Variants in KCNK5 observed in about 807,000 individuals in gnomAD.
The protein encoded by KCNK5 is potassium two pore domain channel subfamily K member 5, also known as potassium channel subfamily K member 5.
Under a neutral mutation model 32.9 loss-of-function variants are expected in KCNK5, and 18 were observed. The ratio of observed to expected loss-of-function variants is 0.55; its 90% CI spans 0.38 to 0.81. The LOEUF is 0.81. Among genes scored for constraint, KCNK5 ranks in the 30% least tolerant of loss-of-function variants. The pLI is 0.00. For missense variants in KCNK5, 507 were observed against 651.0 expected (o/e 0.78, Z 2.41); for synonymous variants, 276 against 275.3 (o/e 1.00, Z -0.03).
rs182170980 is a variant in KCNK5 at position 39,194,834 on chromosome 6, C to G, written c.299-74G>C. On this transcript the variant is annotated intron_variant, in intron 2 of 4. Coordinates refer to ENST00000359534, the MANE Select transcript of KCNK5 (RefSeq NM_003740.4). The surrounding 1 kb of genome is among the most constrained non-coding windows in gnomAD (Gnocchi z 4.7). ...GTGGGCCTTGCTTCCAACACACACA[C>G]AGCCCGTTCTCTAAGATAAATTGAT... 8.0e-7 allele frequency: 1 copy of G among 1,249,486 alleles called. No individual in the cohort carries two copies. Among genetic ancestry groups the G allele is most frequent in the Admixed American group, 1.8e-5 (1 of 55,130 alleles). The allele number at this position is 1,249,486 out of a possible 1,614,324, so 77.4% of individuals were successfully genotyped here.
At chr6:39,208,776 A>G (rs1771275925) in intron 1 of KCNK5, among the ~76,000 whole-genome samples, 1 of 152,198 alleles carries the variant, frequency 6.6e-6, no homozygotes, top group African/African-American at 2.4e-5. Context: ...ATGCCCAACA[A>G]CCTCAAAATC....
At chr6:39,202,888 C>G (rs905931011) in intron 1 of KCNK5, among the ~76,000 whole-genome samples, 1 of 152,136 alleles carries the variant, frequency 6.6e-6, no homozygotes, top group Non-Finnish European at 1.5e-5. Context: ...TGGCAGCAAG[C>G]CTCTGGGTAA....
Position 39,229,367 on chromosome 6 carries a change from C to T in KCNK5, c.-256G>A, listed in dbSNP as rs1771729859. 1 of 542,658 alleles carries T rather than the reference C, an allele frequency of 1.8e-6. No individual in the cohort carries two copies. 33.6% of individuals were successfully genotyped at this position (542,658 alleles called of 1,614,324 possible). On this transcript the variant is annotated 5_prime_UTR_variant, in exon 1 of 5. Coordinates refer to ENST00000359534, the MANE Select transcript of KCNK5 (RefSeq NM_003740.4). Reference sequence around the variant, plus strand: ...AACACCAGCGGGGCTGAAAGGGCGCCCTGGACCGCGGATGCGTAAGGAGCG... The same window carrying T: ...AACACCAGCGGGGCTGAAAGGGCGCTCTGGACCGCGGATGCGTAAGGAGCG...
chr6:39,209,822 TG>T (rs1181343411), intron 1 of KCNK5, among the ~76,000 whole-genome samples: 3 of 152,204 alleles, frequency 2.0e-5, no homozygotes, highest in Non-Finnish European at 4.4e-5. Flanking sequence ...CAGATGAGCC[TG>T]TATAGCATTG....
At chr6:39,226,851 T>C (rs1032565774) in intron 1 of KCNK5, among the ~76,000 whole-genome samples, 9 of 152,156 alleles carry the variant, frequency 5.9e-5, no homozygotes, top group Admixed American at 5.9e-4. Flanking sequence ...GGGAGTTTCT[T>C]TGGCCGGGGA....
chr6:39,215,141 T>C (rs888714146), intron 1 of KCNK5, among the ~76,000 whole-genome samples: 5 of 152,130 alleles, frequency 3.3e-5, no homozygotes, highest in African/African-American at 1.2e-4. Flanking sequence ...TTTGGGTGGA[T>C]TGCAGGGCTG....
At chr6:39,203,668 A>T (rs886840168) in intron 1 of KCNK5, among the ~76,000 whole-genome samples, 8 of 152,110 alleles carry the variant, frequency 5.3e-5, no homozygotes, top group Admixed American at 1.3e-4. Flanking sequence ...GAAGCAAGAC[A>T]ATGGGCAGTG....
Position 39,194,433 on chromosome 6 carries a change from T to G in KCNK5, c.466-96A>C. ...CCAGGGAGGCAGCTAGAGGAGAAGC[T>G]AGCTGGGTACCCAGCCTGACCCGGG... is the stretch of plus-strand genomic sequence containing the variant. On this transcript the variant is annotated intron_variant, in intron 3 of 4. Coordinates refer to ENST00000359534, the MANE Select transcript of KCNK5 (RefSeq NM_003740.4). The surrounding 1 kb of genome is among the most constrained non-coding windows in gnomAD (Gnocchi z 4.7). 1 of 1,451,980 alleles carries G rather than the reference T, an allele frequency of 6.9e-7. No individual in the cohort carries two copies. 89.9% of individuals were successfully genotyped at this position (1,451,980 alleles called of 1,614,324 possible). A position where few individuals can be genotyped will look rare whatever the true frequency, so the allele number is the denominator to read the frequency against.
chr6:39,224,258 A>G (rs1413324269), intron 1 of KCNK5, among the ~76,000 whole-genome samples: 3 of 152,184 alleles, frequency 2.0e-5, no homozygotes, highest in Non-Finnish European at 4.4e-5. Context: ...GGAGGCCTCC[A>G]AGATCCTCCA....
intron 4 of KCNK5, among the ~76,000 whole-genome samples, chr6:39,192,246 GC>G (rs1345274176): frequency 1.0e-4 from 12 of 116,178 alleles, no homozygotes; most frequent in Non-Finnish European, 1.9e-4. Flanking sequence ...TCACACCACT[GC>G]CACTCTAGCC....
intron 1 of KCNK5, among the ~76,000 whole-genome samples, chr6:39,221,557 G>T (rs1771549185): frequency 6.6e-6 from 1 of 152,128 alleles, no homozygotes; most frequent in African/African-American, 2.4e-5. Context: ...ATGCTCACAG[G>T]GCTACTGCCC....
Position 39,191,648 on chromosome 6 carries a change from T to C in KCNK5, c.742A>G (p.Met248Val), listed in dbSNP as rs1188423689. The C allele has an allele frequency of 2.5e-6, 4 of 1,614,014 alleles. No homozygotes were observed. Among genetic ancestry groups the C allele is most frequent in the East Asian group, 2.2e-5 (1 of 44,844 alleles). ...ATGGCTTTGTGGACTTCCACAAACA[T>C]GCTCACCTTCCAGTTGACAAAAAGG... The part of the protein sequence containing the change: ...LSLFVNWKVS[M>V]FVEVHKAIKK... Residue 248 changes from methionine (M) to valine (V), a missense_variant, in exon 5 of 5, where the codon ATG becomes GTG. Met to Val is a conservative substitution (Grantham distance 21). Transcript: ENST00000359534. This position sits in a 1 kb window ranked among gnomAD's most constrained non-coding sequence, Gnocchi z 5.8.
chr6:39,222,415 T>G (rs572913683), intron 1 of KCNK5, among the ~76,000 whole-genome samples: 6 of 152,316 alleles, frequency 3.9e-5, no homozygotes, highest in African/African-American at 1.4e-4. Flanking sequence ...ATGTCGTTAT[T>G]TTAGAGTAGA....
chr6:39,218,228 G>A (rs773333895), intron 1 of KCNK5, among the ~76,000 whole-genome samples: 1 of 152,002 alleles, frequency 6.6e-6, no homozygotes, highest in Non-Finnish European at 1.5e-5. Flanking sequence ...CCACCACCAC[G>A]TCCAGCTAAT....
At chr6:39,196,783 A>C (rs757571818) in intron 1 of KCNK5, among the ~76,000 whole-genome samples, 3 of 152,230 alleles carry the variant, frequency 2.0e-5, no homozygotes, top group Non-Finnish European at 4.4e-5. Context: ...AGGGTGACTC[A>C]TAACTGTGCT....
chr6:39,224,406 C>A (rs1435003990), intron 1 of KCNK5, among the ~76,000 whole-genome samples: 3 of 152,184 alleles, frequency 2.0e-5, no homozygotes, highest in Non-Finnish European at 4.4e-5. Context: ...TCAATGTACC[C>A]CATTCTAAGC....
At chr6:39,195,235 A>G (rs1771008519) in intron 2 of KCNK5, among the ~76,000 whole-genome samples, 1 of 152,192 alleles carries the variant, frequency 6.6e-6, no homozygotes, top group African/African-American at 2.4e-5. Context: ...GAGACGCTGG[A>G]CAGGTGAGGT....
intron 1 of KCNK5, among the ~76,000 whole-genome samples, chr6:39,203,717 T>C (rs1210406841): frequency 6.6e-6 from 1 of 152,000 alleles, no homozygotes; most frequent in African/African-American, 2.4e-5. Flanking sequence ...CCCTTGGAGG[T>C]TAAATAAATG....
chr6:39,219,633 A>G (rs957619541), intron 1 of KCNK5, among the ~76,000 whole-genome samples: 2 of 152,182 alleles, frequency 1.3e-5, no homozygotes, highest in African/African-American at 4.8e-5. Context: ...GGCCTGGGGC[A>G]CCTGGCTTCA....
Sources: allele counts gnomAD v4.1 joint callset (sites outside exome capture counted in the v4.1 genomes callset), GRCh38; gene constraint gnomAD v4.1.1; non-coding constraint Gnocchi (gnomAD v3.1); transcripts MANE v1.5; gene names NCBI Gene and HGNC (gene_info 2026-07-23, HGNC 2026-07-21).